Variants in BRINP3 observed in about 807,000 individuals in gnomAD.
BRINP3 encodes the protein BMP/retinoic acid inducible neural specific 3.
Under a neutral mutation model 71.0 loss-of-function variants are expected in BRINP3, and 19 were observed. The observed-to-expected ratio is 0.27, with a 90% CI of 0.19 to 0.39. BRINP3 has a LOEUF of 0.39. Among genes scored for constraint, BRINP3 ranks in the 10% least tolerant of loss-of-function variants. BRINP3 has a pLI of 1.00. For synonymous variants in BRINP3, 380 were observed against 337.7 expected (o/e 1.13, Z -1.37); for missense variants, 959 against 940.8 (o/e 1.02, Z -0.25).
chr1:190,258,766 A>C (rs986925408), intron 4 of BRINP3, among the ~76,000 whole-genome samples: 1 of 152,186 alleles, frequency 6.6e-6, no homozygotes, highest in African/African-American at 2.4e-5. Context: ...GTCATTGCTC[A>C]GGTTTAGAAG....
At chr1:190,459,522 C>T (rs986226947) in intron 1 of BRINP3, among the ~76,000 whole-genome samples, 1 of 151,876 alleles carries the variant, frequency 6.6e-6, no homozygotes, top group Non-Finnish European at 1.5e-5. Context: ...TATTCGGAAT[C>T]ACTGAATTAA....
In BRINP3 at chr1:190,301,204, CATATATAT is replaced by C. The variant is rs369121473; in HGVS notation, c.237-19462_237-19455del. Among the ~76,000 whole-genome samples, 113 of 106,340 alleles carry C rather than the reference CATATATAT, an allele frequency of 1.1e-3. 1 individual carries two copies. Among genetic ancestry groups the C allele is most frequent in the Admixed American group, 2.0e-3 (18 of 9,170 alleles). The allele number at this position is 106,340 out of a possible 152,430, so 69.8% of individuals were successfully genotyped here. On this transcript the variant is annotated intron_variant, in intron 2 of 7. Transcript: ENST00000367462. ...ATATATATGTATATATATACACATACATATATATATATATATATATATATATATATACA... is the reference window on the plus strand; with the variant it reads ...ATATATATGTATATATATACACATACATATATATATATATATATATATACA...
chr1:190,125,412 T>C (rs771163345), intron 7 of BRINP3, among the ~76,000 whole-genome samples: 7 of 151,710 alleles, frequency 4.6e-5, no homozygotes, highest in East Asian at 3.9e-4. Flanking sequence ...TCTTCTCTTT[T>C]ACAATGCTTT....
chr1:190,262,842 T>C (rs566180782), intron 4 of BRINP3, among the ~76,000 whole-genome samples: 1 of 152,300 alleles, frequency 6.6e-6, no homozygotes, highest in South Asian at 2.1e-4. Flanking sequence ...TAACAGAGTC[T>C]AAATACAATG....
intron 7 of BRINP3, among the ~76,000 whole-genome samples, chr1:190,150,593 CA>C (rs1656305627): frequency 6.6e-6 from 1 of 152,128 alleles, no homozygotes; most frequent in African/African-American, 2.4e-5. Context: ...TTAGTACTAT[CA>C]TTCAGAATGA....
chr1:190,351,450 T>C (rs1668379978), intron 2 of BRINP3, among the ~76,000 whole-genome samples: 1 of 152,144 alleles, frequency 6.6e-6, no homozygotes, highest in South Asian at 2.1e-4. Flanking sequence ...TTCATAGGAA[T>C]GAAATTCTGA....
chr1:190,329,986 A>C (rs533460441), intron 2 of BRINP3, among the ~76,000 whole-genome samples: 1 of 151,998 alleles, frequency 6.6e-6, no homozygotes, highest in Non-Finnish European at 1.5e-5. Context: ...AAAAAGCCTC[A>C]ACGTGGATTA....
chr1:190,327,474 A>G (rs1666685143), intron 2 of BRINP3, among the ~76,000 whole-genome samples: 1 of 128,440 alleles, frequency 7.8e-6, no homozygotes, highest in Non-Finnish European at 1.7e-5. Context: ...GAGATCAAGG[A>G]CACAAACAAA....
intron 2 of BRINP3, among the ~76,000 whole-genome samples, chr1:190,358,253 T>C (rs1429234649): frequency 3.9e-5 from 6 of 152,042 alleles, no homozygotes; most frequent in Non-Finnish European, 1.5e-5. Flanking sequence ...ATTTTTGCAA[T>C]CTACTCATCT....
At chr1:190,246,304 G>A (rs994215650) in intron 4 of BRINP3, among the ~76,000 whole-genome samples, 2 of 151,746 alleles carry the variant, frequency 1.3e-5, no homozygotes, top group Non-Finnish European at 2.9e-5. Flanking sequence ...GAGGAACTTT[G>A]TACCTTCATG....
At chr1:190,169,508 C>T (rs1396102226) in intron 6 of BRINP3, among the ~76,000 whole-genome samples, 1 of 152,126 alleles carries the variant, frequency 6.6e-6, no homozygotes, top group Non-Finnish European at 1.5e-5. Context: ...AATCCGATGT[C>T]TTTAAATAAA....
At chr1:190,408,155 G>T (rs1398072507) in intron 2 of BRINP3, among the ~76,000 whole-genome samples, 1 of 150,334 alleles carries the variant, frequency 6.7e-6, no homozygotes, top group African/African-American at 2.4e-5. Context: ...CGGAGTAGCT[G>T]GGACTACAGG....
chr1:190,408,999 G>A (rs1672485097), intron 2 of BRINP3, among the ~76,000 whole-genome samples: 1 of 152,172 alleles, frequency 6.6e-6, no homozygotes, highest in Non-Finnish European at 1.5e-5. Context: ...GTTGCTAGTA[G>A]CATCTGGCAG....
chr1:190,352,718 A>G (rs188382183), intron 2 of BRINP3, among the ~76,000 whole-genome samples: 552 of 152,082 alleles, frequency 3.6e-3, no homozygotes, highest in Non-Finnish European at 5.7e-3. Flanking sequence ...ATTCTATCTT[A>G]TTCTGAAATC....
intron 2 of BRINP3, among the ~76,000 whole-genome samples, chr1:190,377,132 T>G (rs1670235403): frequency 6.6e-6 from 1 of 152,002 alleles, no homozygotes; most frequent in Non-Finnish European, 1.5e-5. Flanking sequence ...GGTTGCTATA[T>G]TATAAAGTGC....
chr1:190,129,042 C>A lies in BRINP3; in HGVS notation c.1185-29908G>T, dbSNP rs372181126. Among the ~76,000 whole-genome samples, 8 of 151,874 alleles carry A rather than the reference C, an allele frequency of 5.3e-5. No individual in the cohort carries two copies. In the East Asian group the frequency reaches 1.5e-3, roughly 29 times the overall value. On this transcript the variant is annotated intron_variant, in intron 7 of 7. Transcript: ENST00000367462. ...TTGCAAAGTCTACCATGTATATACA[C>A]AGCAGTCAGAATAAAATTTTCACTG... is the stretch of plus-strand genomic sequence containing the variant.
rs530073958 is a variant in BRINP3, at chr1:190,408,907, T to C, written c.236+45748A>G. ...CACACTAAATCAGTGGTAAAGGATG[T>C]TATGAGGATCTCATCTCCAAGGGAC... On this transcript the variant is annotated intron_variant, in intron 2 of 7. Coordinates refer to ENST00000367462, the MANE Select transcript of BRINP3 (RefSeq NM_199051.3). Among the ~76,000 whole-genome samples, 7 of 152,284 alleles carry C rather than the reference T, an allele frequency of 4.6e-5. No individual in the cohort carries two copies. The East Asian group carries it at 1.2e-3, about 25-fold the overall frequency.
chr1:190,121,862 T>G (rs1167737500), intron 7 of BRINP3, among the ~76,000 whole-genome samples: 1 of 152,104 alleles, frequency 6.6e-6, no homozygotes, highest in Non-Finnish European at 1.5e-5. Context: ...ATTAGGAGTA[T>G]GTAAATAAAT....
intron 2 of BRINP3, among the ~76,000 whole-genome samples, chr1:190,446,006 T>C (rs900671430): frequency 6.6e-6 from 1 of 152,076 alleles, no homozygotes; most frequent in Admixed American, 6.6e-5. Flanking sequence ...TAAATTGTTT[T>C]AATTATTACA....
Sources: gnomAD v4.1 joint callset for allele counts (sites outside exome capture counted in the v4.1 genomes callset) on GRCh38, gnomAD v4.1.1 for gene constraint, MANE v1.5 for transcripts, NCBI Gene and HGNC (gene_info 2026-07-23, HGNC 2026-07-21) for gene names.